The following ARHGEF38 variants were observed in gnomAD, a reference collection of about 807,000 sequenced individuals.
ARHGEF38 encodes the protein Rho guanine nucleotide exchange factor 38.
Under a neutral mutation model 79.9 loss-of-function variants are expected in ARHGEF38, and 79 were observed. The observed-to-expected ratio is 0.99, with a 90% CI of 0.82 to 1.19. The LOEUF is 1.19. Ranked by LOEUF, ARHGEF38 falls within the 50% of genes most tolerant of loss-of-function variation. The probability of loss-of-function intolerance (pLI) is 0.00; values close to 1 mark genes in which losing one functional copy is unlikely to be tolerated. For missense variants in ARHGEF38, 962 were observed against 907.2 expected (o/e 1.06, Z -0.78); for synonymous variants, 366 against 328.3 (o/e 1.11, Z -1.24).
intron 1 of ARHGEF38, chr4:105,561,518 TAGAATAGAATAGAATAGAATAGA>T (rs1725618651): frequency 6.7e-6 from 1 of 148,634 alleles, no homozygotes; most frequent in Non-Finnish European, 1.5e-5. Context: ...TAGAATAGAA[TAGAATAGAATAGAATAGAATAGA>T]AAAGTTTCTT....
At chr4:105,603,523 C>T (rs571513379) in intron 2 of ARHGEF38, among the ~76,000 whole-genome samples, 1 of 152,232 alleles carries the variant, frequency 6.6e-6, no homozygotes, top group Admixed American at 6.5e-5. Context: ...AGGCTATTCC[C>T]ATGATGGTGG....
At chr4:105,660,332 T>G (rs972257299) in intron 10 of ARHGEF38, among the ~76,000 whole-genome samples, 1 of 152,130 alleles carries the variant, frequency 6.6e-6, no homozygotes, top group Non-Finnish European at 1.5e-5. Flanking sequence ...TTTTATTTCT[T>G]AAAAGTAAAA....
chr4:105,603,429 A>G (rs533478256), intron 2 of ARHGEF38, among the ~76,000 whole-genome samples: 6 of 152,104 alleles, frequency 3.9e-5, no homozygotes, highest in Non-Finnish European at 8.8e-5. Context: ...TTGAACTGGT[A>G]CCATCATAGA....
chr4:105,653,846 A>T (rs1730211670), intron 7 of ARHGEF38, among the ~76,000 whole-genome samples: 1 of 152,214 alleles, frequency 6.6e-6, no homozygotes, highest in South Asian at 2.1e-4. Flanking sequence ...TAACAACAGC[A>T]ATTTGAGTTA....
intron 13 of ARHGEF38, among the ~76,000 whole-genome samples, chr4:105,672,246 T>C (rs1483094305): frequency 6.6e-6 from 1 of 152,196 alleles, no homozygotes; most frequent in East Asian, 1.9e-4. Context: ...GTCTACCTTT[T>C]TAAACAGACT....
At chr4:105,618,817 T>C (rs1388986057) in intron 3 of ARHGEF38, among the ~76,000 whole-genome samples, 4 of 152,262 alleles carry the variant, frequency 2.6e-5, no homozygotes, top group South Asian at 2.1e-4. Context: ...TAACTTTACA[T>C]TGAGAAACCT....
chr4:105,644,308 G>A (rs189491412), intron 5 of ARHGEF38, among the ~76,000 whole-genome samples: 2 of 152,196 alleles, frequency 1.3e-5, no homozygotes, highest in African/African-American at 2.4e-5. Flanking sequence ...CCACCTATTG[G>A]GATTTGAAAA....
intron 4 of ARHGEF38, among the ~76,000 whole-genome samples, chr4:105,635,361 C>G (rs17036027): frequency 0.043 from 6,558 of 151,960 alleles, 198 homozygotes; most frequent in Middle Eastern, 0.13. Flanking sequence ...CTCAGATTCC[C>G]TTTCATAAAG....
chr4:105,650,264 G>A (rs1730045104), intron 7 of ARHGEF38, among the ~76,000 whole-genome samples: 1 of 152,130 alleles, frequency 6.6e-6, no homozygotes, highest in Admixed American at 6.5e-5. Flanking sequence ...CTTTCTGGCT[G>A]AGCAGACTGC....
At chr4:105,588,541 A>C (rs1445619524) in intron 1 of ARHGEF38, among the ~76,000 whole-genome samples, 2 of 152,160 alleles carry the variant, frequency 1.3e-5, no homozygotes, top group Non-Finnish European at 2.9e-5. Context: ...ACTTCATATA[A>C]ACTTTTGCTA....
At chr4:105,604,933 T>G (rs894184720) in intron 2 of ARHGEF38, among the ~76,000 whole-genome samples, 2 of 152,196 alleles carry the variant, frequency 1.3e-5, no homozygotes, top group Non-Finnish European at 2.9e-5. Context: ...TCCAAATTAC[T>G]TTCTCTATAT....
intron 13 of ARHGEF38, among the ~76,000 whole-genome samples, chr4:105,670,039 G>T (rs1170761433): frequency 6.6e-6 from 1 of 152,134 alleles, no homozygotes; most frequent in East Asian, 1.9e-4. Flanking sequence ...CTCACCAGTT[G>T]ATGGTCATTT....
intron 2 of ARHGEF38, among the ~76,000 whole-genome samples, chr4:105,610,316 C>T (rs1728237770): frequency 6.6e-6 from 1 of 151,932 alleles, no homozygotes; most frequent in Non-Finnish European, 1.5e-5. Flanking sequence ...GCACATGTAT[C>T]CCATTTTTTT....
intron 1 of ARHGEF38, among the ~76,000 whole-genome samples, chr4:105,577,976 G>C (rs1194956357): frequency 6.6e-6 from 1 of 151,950 alleles, no homozygotes; most frequent in Non-Finnish European, 1.5e-5. Context: ...TTTGGATTGA[G>C]TTTGTTCTTT....
chr4:105,665,532 G>A (rs1364597830), intron 10 of ARHGEF38, among the ~76,000 whole-genome samples: 1 of 151,920 alleles, frequency 6.6e-6, no homozygotes, highest in East Asian at 1.9e-4. Flanking sequence ...GAACTCCAGG[G>A]CTCGAGTGAT....
In ARHGEF38 at chr4:105,677,660, T is replaced by C. The variant is rs1205756823; in HGVS notation, c.2149-92T>C. ...TGACTTTGGCAAAACAAAAAAACTTTAGCATTGCTTCTAAAAGCTTGGAAA... is the reference window on the plus strand; with the variant it reads ...TGACTTTGGCAAAACAAAAAAACTTCAGCATTGCTTCTAAAAGCTTGGAAA... On this transcript the variant is annotated intron_variant, in intron 13 of 13. Transcript: ENST00000420470. 2.5e-6 allele frequency: 3 copies of C among 1,209,072 alleles called. No individual in the cohort carries two copies. The African/African-American group carries it at 4.6e-5, about 18-fold the overall frequency. The allele number at this position is 1,209,072 out of a possible 1,614,324, so 74.9% of individuals were successfully genotyped here.
chr4:105,667,803 C>G, intron 13 of ARHGEF38, 100 bp downstream of exon 13: 1 of 1,387,810 alleles, frequency 7.2e-7, no homozygotes, highest in Non-Finnish European at 9.6e-7. Context: ...AAAGTGCCAG[C>G]TTTGACATCA....
chr4:105,619,386 C>G (rs567358792), intron 3 of ARHGEF38, among the ~76,000 whole-genome samples: 1 of 152,046 alleles, frequency 6.6e-6, no homozygotes, highest in African/African-American at 2.4e-5. Context: ...CACCAACTGA[C>G]GGGAAACATA....
chr4:105,607,813 T>C (rs1167904424), intron 2 of ARHGEF38, among the ~76,000 whole-genome samples: 1 of 151,514 alleles, frequency 6.6e-6, no homozygotes, highest in African/African-American at 2.4e-5. Context: ...GAATAAGGAT[T>C]TCTTGTTTAG....
Sources: gnomAD v4.1 joint callset for allele counts (sites outside exome capture counted in the v4.1 genomes callset) on GRCh38, gnomAD v4.1.1 for gene constraint, MANE v1.5 for transcripts, NCBI Gene and HGNC (gene_info 2026-07-23, HGNC 2026-07-21) for gene names.